ACSBG1: variants seen among roughly 807,000 people sequenced by gnomAD.
The protein encoded by ACSBG1 is acyl-CoA synthetase bubblegum family member 1.
Under a neutral mutation model 80.2 loss-of-function variants are expected in ACSBG1, and 39 were observed. The ratio of observed to expected loss-of-function variants is 0.49; its 90% CI spans 0.38 to 0.64. ACSBG1 has a LOEUF of 0.64. Ranked by LOEUF, ACSBG1 falls within the 30% of genes least tolerant of loss-of-function variation. The pLI is 0.00. For missense variants in ACSBG1, 828 were observed against 966.4 expected (o/e 0.86, Z 1.90); for synonymous variants, 392 against 379.5 (o/e 1.03, Z -0.38).
intron 5 of ACSBG1, among the ~76,000 whole-genome samples, chr15:78,189,657 C>T (rs906115021): frequency 8.1e-5 from 12 of 148,362 alleles, no homozygotes; most frequent in Non-Finnish European, 1.6e-4. Context: ...GAACATCACA[C>T]TCTGGGGACT....
intron 1 of ACSBG1, 90 bp downstream of exon 1, chr15:78,234,281 G>C (rs1442085943): frequency 1.3e-6 from 2 of 1,518,218 alleles, no homozygotes; most frequent in African/African-American, 1.4e-5. Flanking sequence ...GGCTCAGAGA[G>C]AGAAGCAGCT....
chr15:78,194,683 C>G lies in ACSBG1; in HGVS notation c.276G>C (p.Leu92=), dbSNP rs1287565626. ...WTTRADGRVR[L]RIDPSCPQLP... ...GCTGTGGGCAGCTGGGGTCTATGCG[C>G]AGGCGCACCCGCCCATCGGCCCGAG... Residue 92 remains leucine (L), a synonymous_variant, in exon 3 of 14, where the codon CTG becomes CTC. Coordinates refer to ENST00000258873, the MANE Select transcript of ACSBG1 (RefSeq NM_015162.5). 3 of 1,613,866 alleles carry G rather than the reference C, an allele frequency of 1.9e-6. No individual in the cohort carries two copies. Among genetic ancestry groups the G allele is most frequent in the Non-Finnish European group, 2.5e-6 (3 of 1,179,952 alleles).
chr15:78,217,600 T>C (rs987200306), intron 1 of ACSBG1, among the ~76,000 whole-genome samples: 1 of 150,490 alleles, frequency 6.6e-6, no homozygotes, highest in Non-Finnish European at 1.5e-5. Flanking sequence ...GAGTCTTCAC[T>C]CTGTCGCCCA....
chr15:78,186,981 A>G (rs999629357), intron 5 of ACSBG1, among the ~76,000 whole-genome samples: 1 of 152,218 alleles, frequency 6.6e-6, no homozygotes, highest in African/African-American at 2.4e-5. Context: ...ATAAAAAATG[A>G]TAAAGGGGAT....
intron 8 of ACSBG1, among the ~76,000 whole-genome samples, chr15:78,181,534 C>T (rs947882352): frequency 7.3e-6 from 1 of 137,384 alleles, no homozygotes; most frequent in Admixed American, 7.8e-5. Flanking sequence ...CATGCTGTTG[C>T]CCAGGCTGGA....
intron 1 of ACSBG1, among the ~76,000 whole-genome samples, chr15:78,208,456 C>T (rs60968764): frequency 0.1 from 15,779 of 152,232 alleles, 889 homozygotes; most frequent in Middle Eastern, 0.21. Context: ...GGCTAAGGTC[C>T]GCACTGGAGG....
At chr15:78,206,898 T>A (rs1255993476) in intron 2 of ACSBG1, among the ~76,000 whole-genome samples, 3 of 152,114 alleles carry the variant, frequency 2.0e-5, no homozygotes, top group Admixed American at 2.0e-4. Context: ...TTCCTGCCCC[T>A]TGAATTGCAG....
chr15:78,185,180 C>T lies in ACSBG1; in HGVS notation c.664-2395G>A, dbSNP rs1036534291. ...ATTTGTGAGATAGAATACCAGCAGA[C>T]AGGAGAGAACTATATAGAGAAAGAG... On this transcript the variant is annotated intron_variant, in intron 5 of 13. Coordinates refer to ENST00000258873, the MANE Select transcript of ACSBG1 (RefSeq NM_015162.5). Among the ~76,000 whole-genome samples the T allele has an allele frequency of 2.0e-5, 3 of 152,074 alleles. No homozygotes were observed. In the South Asian group the frequency reaches 6.2e-4, roughly 32 times the overall value.
At chr15:78,193,891 G>A (rs1273033522) in intron 4 of ACSBG1, 41 bp downstream of exon 4, 2 of 1,605,638 alleles carry the variant, frequency 1.2e-6, no homozygotes, top group East Asian at 2.2e-5. Flanking sequence ...TCTGCCCACT[G>A]CCAACCCCCT....
At chr15:78,193,104 T>C (rs181150442) in intron 5 of ACSBG1, among the ~76,000 whole-genome samples, 13 of 150,462 alleles carry the variant, frequency 8.6e-5, no homozygotes, top group African/African-American at 2.9e-4. Flanking sequence ...CCCATCACCC[T>C]GTTCCTCACC....
chr15:78,183,996 GA>G (rs930108564), intron 5 of ACSBG1, among the ~76,000 whole-genome samples: 1 of 150,180 alleles, frequency 6.7e-6, no homozygotes, highest in South Asian at 2.1e-4. Flanking sequence ...GGAACCAGAA[GA>G]AAAAAAAAGA....
chr15:78,174,442 G>A lies in ACSBG1; in HGVS notation c.1785C>T (p.Ser595=), dbSNP rs1299493718. Residue 595 remains serine, a synonymous_variant, in exon 12 of 14, where the codon AGC becomes AGT. Transcript: ENST00000258873. The stretch of plus-strand genomic sequence containing the variant: ...TCTGGTCCCCAATGAGCATGGCGTT[G>A]CTGATGATGGGCAGCTCCATCTTCA... ...EAVKMELPII[S]NAMLIGDQRK... 6.2e-7 allele frequency: 1 copy of A among 1,614,186 alleles called. No homozygotes were observed. Among genetic ancestry groups the A allele is most frequent in the East Asian group, 2.2e-5 (1 of 44,872 alleles).
Position 78,180,741 on chromosome 15 carries a change from T to C in ACSBG1, c.1253+14A>G. 6.2e-7 allele frequency: 1 copy of C among 1,611,336 alleles called. No individual in the cohort carries two copies. Among genetic ancestry groups the C allele is most frequent in the South Asian group, 1.1e-5 (1 of 90,914 alleles). Reference sequence around the variant, plus strand: ...ACTCTCTCCCCAGGCCTCCCGCCCGTGGGCCCTCTGTACCTGCCGGGGCAG... The same window carrying C: ...ACTCTCTCCCCAGGCCTCCCGCCCGCGGGCCCTCTGTACCTGCCGGGGCAG... On this transcript the variant is annotated intron_variant, in intron 9 of 13. Coordinates refer to ENST00000258873, the MANE Select transcript of ACSBG1 (RefSeq NM_015162.5).
At chr15:78,232,700 T>C (rs1374511813) in intron 1 of ACSBG1, among the ~76,000 whole-genome samples, 1 of 152,014 alleles carries the variant, frequency 6.6e-6, no homozygotes, top group Non-Finnish European at 1.5e-5. Context: ...TTTTTTTTTT[T>C]TGAGAAGGAC....
At chr15:78,195,942 T>A (rs1317263624) in intron 2 of ACSBG1, among the ~76,000 whole-genome samples, 1 of 152,152 alleles carries the variant, frequency 6.6e-6, no homozygotes, top group Non-Finnish European at 1.5e-5. Context: ...TTAGGTTGCA[T>A]GCAGACTCAG....
At chr15:78,226,532 GA>G in intron 1 of ACSBG1, 1 of 180,794 alleles carries the variant, frequency 5.5e-6, no homozygotes, top group Non-Finnish European at 1.2e-5. Flanking sequence ...CAGCACTTTG[GA>G]AGGCCAAGGT....
At chr15:78,193,386 G>T in intron 5 of ACSBG1, 120 bp downstream of exon 5, 1 of 1,419,878 alleles carries the variant, frequency 7.0e-7, no homozygotes, top group Non-Finnish European at 9.5e-7. Flanking sequence ...TGCATTAGAG[G>T]GTTGCCGTTG....
At chr15:78,183,804 A>G (rs1460036697) in intron 5 of ACSBG1, among the ~76,000 whole-genome samples, 1 of 128,800 alleles carries the variant, frequency 7.8e-6, no homozygotes, top group African/African-American at 3.0e-5. Flanking sequence ...GCTACTTGGG[A>G]GGCTGAGGCA....
intron 3 of ACSBG1, 117 bp from the exon 4 acceptor site, chr15:78,194,137 C>G (rs1381988908): frequency 2.0e-6 from 2 of 980,530 alleles, no homozygotes; most frequent in East Asian, 5.2e-5. Context: ...TCCCAGGGTC[C>G]CCTCAGTCAG....
Sources: gnomAD v4.1 joint callset for allele counts (sites outside exome capture counted in the v4.1 genomes callset) on GRCh38, gnomAD v4.1.1 for gene constraint, MANE v1.5 for transcripts, NCBI Gene and HGNC (gene_info 2026-07-23, HGNC 2026-07-21) for gene names.